Variants in PCDHA1 observed in about 807,000 individuals in gnomAD.
PCDHA1 encodes the protein protocadherin alpha 1.
Under a neutral mutation model 61.3 loss-of-function variants are expected in PCDHA1, and 42 were observed. That is an observed-to-expected ratio of 0.69 (90% CI 0.54 to 0.89). The LOEUF is 0.89. Ranked by LOEUF, PCDHA1 falls within the 40% of genes least tolerant of loss-of-function variation. PCDHA1 has a pLI of 0.00. For synonymous variants in PCDHA1, 610 were observed against 553.8 expected (o/e 1.10, Z -1.43); for missense variants, 1,256 against 1,235.3 (o/e 1.02, Z -0.25).
intron 1 of PCDHA1, chr5:140,809,207 C>A (rs782769972): frequency 1.2e-6 from 2 of 1,614,052 alleles, no homozygotes; most frequent in Admixed American, 3.3e-5. Context: ...GGAGAGTGGA[C>A]AGGCGCCAAA....
chr5:141,000,499 C>T (rs2097942558), intron 3 of PCDHA1, among the ~76,000 whole-genome samples: 1 of 138,650 alleles, frequency 7.2e-6, no homozygotes, highest in African/African-American at 2.7e-5. Context: ...AAGATCTCGG[C>T]TCACTGCAAC....
chr5:140,856,156 G>A, intron 1 of PCDHA1: 1 of 1,598,364 alleles, frequency 6.3e-7, no homozygotes, highest in Non-Finnish European at 8.6e-7. Context: ...CAGTCTACGA[G>A]GAGGCCAGAC....
At chr5:140,962,270 A>T (rs2095668540) in intron 1 of PCDHA1, among the ~76,000 whole-genome samples, 1 of 152,210 alleles carries the variant, frequency 6.6e-6, no homozygotes, top group African/African-American at 2.4e-5. Context: ...TTTATAATTT[A>T]AAAAACCTCA....
At chr5:140,893,456 C>G (rs781790396) in intron 1 of PCDHA1, among the ~76,000 whole-genome samples, 44 of 151,918 alleles carry the variant, frequency 2.9e-4, no homozygotes, top group Non-Finnish European at 2.6e-4. Flanking sequence ...AGTTCAAGAC[C>G]AGCCTGGGCA....
intron 1 of PCDHA1, among the ~76,000 whole-genome samples, chr5:140,920,056 C>T (rs2079426580): frequency 6.6e-6 from 1 of 152,144 alleles, no homozygotes; most frequent in African/African-American, 2.4e-5. Flanking sequence ...GCCACCAACA[C>T]CTGGAAAAGG....
At chr5:140,886,107 G>T (rs1340579685) in intron 1 of PCDHA1, among the ~76,000 whole-genome samples, 2 of 152,142 alleles carry the variant, frequency 1.3e-5, no homozygotes, top group Non-Finnish European at 2.9e-5. Flanking sequence ...ATACAGTAAA[G>T]AAGTAACATA....
At chr5:141,005,701 C>CA (rs59860837) in intron 3 of PCDHA1, among the ~76,000 whole-genome samples, 506 of 7,758 alleles carry the variant, frequency 0.065, 109 homozygotes, top group Non-Finnish European at 0.076. Context: ...AACTCCGTCT[C>CA]AAAAAAAAAA....
chr5:140,946,959 A>C (rs918204180), intron 1 of PCDHA1, among the ~76,000 whole-genome samples: 2 of 151,664 alleles, frequency 1.3e-5, no homozygotes, highest in Non-Finnish European at 3.0e-5. Context: ...GTATATTTCA[A>C]AATATTATAG....
intron 3 of PCDHA1, among the ~76,000 whole-genome samples, chr5:141,008,133 A>G (rs782089475): frequency 6.6e-6 from 1 of 152,208 alleles, no homozygotes; most frequent in Non-Finnish European, 1.5e-5. Context: ...GGGGATGACA[A>G]ATGCTGCTGA....
intron 1 of PCDHA1, among the ~76,000 whole-genome samples, chr5:140,923,099 G>A (rs1164124655): frequency 6.6e-6 from 1 of 152,168 alleles, no homozygotes; most frequent in Non-Finnish European, 1.5e-5. Flanking sequence ...ACCAATGGGA[G>A]TATGATTTTA....
chr5:140,840,878 T>A (rs1554137939), intron 1 of PCDHA1, among the ~76,000 whole-genome samples: 1 of 152,022 alleles, frequency 6.6e-6, no homozygotes, highest in African/African-American at 2.4e-5. Flanking sequence ...ACAGTTTACA[T>A]TTCTGATATC....
intron 1 of PCDHA1, chr5:140,796,648 G>T: frequency 1.2e-6 from 2 of 1,613,822 alleles, no homozygotes. Flanking sequence ...GAACGACAAC[G>T]CGCCGGCACT....
chr5:140,946,631 T>TATATATATATATATATATAC lies in PCDHA1; in HGVS notation c.2395-32317_2395-32316insTATATATATATATATATACA, dbSNP rs57893927. ...TGTGAAATATATATATATATATATA[T>TATATATATATATATATATAC]ACAATGGAATACTCATCAGCCATTA... On this transcript the variant is annotated intron_variant, in intron 1 of 3. Transcript: ENST00000504120. Among the ~76,000 whole-genome samples, 543 of 131,742 alleles carry TATATATATATATATATATAC rather than the reference T, an allele frequency of 4.1e-3. 35 individuals are homozygous for TATATATATATATATATATAC. Among genetic ancestry groups the TATATATATATATATATATAC allele is most frequent in the African/African-American group, 0.018 (501 of 28,614 alleles). The allele number at this position is 131,742 out of a possible 152,430, so 86.4% of individuals were successfully genotyped here.
intron 1 of PCDHA1, chr5:140,796,672 G>C: frequency 6.2e-7 from 1 of 1,613,884 alleles, no homozygotes; most frequent in South Asian, 1.1e-5. Flanking sequence ...GGCGCCTAGG[G>C]CTGGCACCGC....
At chr5:140,962,947 A>T (rs2153733915) in intron 1 of PCDHA1, among the ~76,000 whole-genome samples, 2 of 152,320 alleles carry the variant, frequency 1.3e-5, no homozygotes, top group Admixed American at 1.3e-4. Context: ...TCCATAAGAT[A>T]TGCTCTATCC....
chr5:140,808,639 G>A (rs782266582), intron 1 of PCDHA1: 14 of 1,613,332 alleles, frequency 8.7e-6, no homozygotes, highest in African/African-American at 2.7e-5. Flanking sequence ...ACGCGGACGC[G>A]CAGGAGAACG....
intron 1 of PCDHA1, chr5:140,927,469 C>T (rs17844359): frequency 6.2e-7 from 1 of 1,614,082 alleles, no homozygotes; most frequent in Non-Finnish European, 8.5e-7. Context: ...AGCACTGGAT[C>T]GCGAACAGCG....
chr5:140,899,936 T>A (rs1443562291), intron 1 of PCDHA1, among the ~76,000 whole-genome samples: 1 of 152,064 alleles, frequency 6.6e-6, no homozygotes, highest in Non-Finnish European at 1.5e-5. Context: ...GCCTCCTGAA[T>A]AGCTGGGACC....
intron 1 of PCDHA1, chr5:140,830,043 T>C: frequency 6.2e-7 from 1 of 1,613,664 alleles, no homozygotes; most frequent in South Asian, 1.1e-5. Flanking sequence ...CTGGTGCTGG[T>C]GAAAGACCAC....
Sources: allele counts gnomAD v4.1 joint callset (sites outside exome capture counted in the v4.1 genomes callset), GRCh38; gene constraint gnomAD v4.1.1; transcripts MANE v1.5; gene names NCBI Gene and HGNC (gene_info 2026-07-23, HGNC 2026-07-21).